The following ARHGAP30 variants were observed in gnomAD, a reference collection of about 807,000 sequenced individuals.
ARHGAP30 encodes rho GTPase-activating protein 30.
Under a neutral mutation model 72.0 loss-of-function variants are expected in ARHGAP30, and 23 were observed. The ratio of observed to expected loss-of-function variants is 0.32; its 90% CI spans 0.23 to 0.45. The LOEUF is 0.45. Ranked by LOEUF, ARHGAP30 falls within the 20% of genes least tolerant of loss-of-function variation. The pLI is 1.00. For missense variants in ARHGAP30, 1,319 were observed against 1,383.4 expected (o/e 0.95, Z 0.74); for synonymous variants, 576 against 528.2 (o/e 1.09, Z -1.24).
Position 161,069,476 on chromosome 1 carries a change from G to A in ARHGAP30, c.97+52C>T, listed in dbSNP as rs1653014034. 6.4e-7 allele frequency: 1 copy of A among 1,561,842 alleles called. No individual in the cohort carries two copies. On this transcript the variant is annotated intron_variant, in intron 1 of 11. Coordinates refer to ENST00000368013, the MANE Select transcript of ARHGAP30 (RefSeq NM_001025598.2). The surrounding 1 kb of genome is among the most constrained non-coding windows in gnomAD (Gnocchi z 4.9). ...GCCCTTCAGGCTGGATCGGGCTGCAGATGCCCAGTGCCTCCCCACCCACCC... is the reference window on the plus strand; with the variant it reads ...GCCCTTCAGGCTGGATCGGGCTGCAAATGCCCAGTGCCTCCCCACCCACCC...
Position 161,053,283 on chromosome 1 carries a change from C to G in ARHGAP30, c.639G>C (p.Gln213His), listed in dbSNP as rs118099463. Residue 213 changes from glutamine (Q) to histidine (H), a missense_variant, in exon 6 of 12, where the codon CAG becomes CAC. Coordinates refer to ENST00000368013, the MANE Select transcript of ARHGAP30 (RefSeq NM_001025598.2). ...CAGAGAGGGCAGCACCCCCAAAGAG[C>G]TGGTCCACGTGTGTGAGGATGAACT... ...VVEFILTHVD[Q>H]LFGGAALSGG... is the part of the protein sequence containing the mutation. The G allele has an allele frequency of 6.2e-7, 1 of 1,613,992 alleles. No homozygotes were observed. Among genetic ancestry groups the G allele is most frequent in the Non-Finnish European group, 8.5e-7 (1 of 1,180,014 alleles).
chr1:161,060,162 T>C (rs932350766), intron 1 of ARHGAP30: 1 of 431,480 alleles, frequency 2.3e-6, no homozygotes, highest in African/African-American at 2.1e-5. Flanking sequence ...ATGCCTGTAG[T>C]TTCAGCTACT....
intron 1 of ARHGAP30, among the ~76,000 whole-genome samples, chr1:161,064,143 T>C (rs995074450): frequency 6.6e-6 from 1 of 152,256 alleles, no homozygotes; most frequent in African/African-American, 2.4e-5. Context: ...AACTCTCTAA[T>C]AAAAACTTGC....
intron 1 of ARHGAP30, among the ~76,000 whole-genome samples, 183 bp from the exon 2 acceptor site, chr1:161,059,899 G>A (rs771607805): frequency 3.3e-5 from 5 of 152,182 alleles, no homozygotes; most frequent in Non-Finnish European, 7.3e-5. Flanking sequence ...CAGTATCTCT[G>A]CTTAGTGGGT....
chr1:161,051,286 T>G, intron 10 of ARHGAP30, 28 bp downstream of exon 10: 1 of 1,543,682 alleles, frequency 6.5e-7, no homozygotes, highest in Non-Finnish European at 8.7e-7. Context: ...TCCCCTTTCC[T>G]AGTCTTGGTC....
Position 161,048,819 on chromosome 1 carries a change from C to T in ARHGAP30, c.2202G>A (p.Val734=), listed in dbSNP as rs1302834476. The T allele has an allele frequency of 1.2e-6, 2 of 1,614,132 alleles. No individual in the cohort carries two copies. The highest frequency in any genetic ancestry group is 8.5e-7 in the Non-Finnish European group (1 of 1,180,040). The part of the protein sequence containing the change: ...KKADSMEAKG[V]EEPGGDEYTD... ...TATACTCATCTCCTCCTGGTTCCTC[C>T]ACACCTTTAGCCTCCATACTGTCAG... Residue 734 remains valine (V), a synonymous_variant, in exon 12 of 12, where the codon GTG becomes GTA. Coordinates refer to ENST00000368013, the MANE Select transcript of ARHGAP30 (RefSeq NM_001025598.2).
At chr1:161,058,199 C>T (rs957460653) in intron 2 of ARHGAP30, among the ~76,000 whole-genome samples, 1 of 151,850 alleles carries the variant, frequency 6.6e-6, no homozygotes, top group Non-Finnish European at 1.5e-5. Flanking sequence ...GTAATCCCAG[C>T]TACTCGGGAG....
rs1651088702 is a variant in ARHGAP30, at chr1:161,048,756, A to T, written c.2265T>A (p.Asp755Glu). ...CTACCTGGGCTTCCTCTCTTTGTTCATCCTCTTCTCTCTCAATTTCTTTTT... is the reference window on the plus strand; with the variant it reads ...CTACCTGGGCTTCCTCTCTTTGTTCTTCCTCTTCTCTCTCAATTTCTTTTT... ...EKEKEIEREE[D>E]EQREEAQVEA... is the part of the protein sequence containing the mutation. Residue 755 changes from aspartate to glutamate, a missense_variant, in exon 12 of 12, where the codon GAT (aspartate) becomes GAA (glutamate). This residue lies in a region of ARHGAP30 where 1,097 missense variants were observed against 1,045.2 expected (regional missense o/e 1.05). Coordinates refer to ENST00000368013, the MANE Select transcript of ARHGAP30 (RefSeq NM_001025598.2). 6.2e-7 allele frequency: 1 copy of T among 1,612,674 alleles called. No homozygotes were observed.
chr1:161,055,126 T>C (rs1318223897), intron 3 of ARHGAP30, among the ~76,000 whole-genome samples: 1 of 152,174 alleles, frequency 6.6e-6, no homozygotes, highest in East Asian at 1.9e-4. Context: ...GCTCTTATGC[T>C]CAATAAAGTG....
intron 1 of ARHGAP30, among the ~76,000 whole-genome samples, chr1:161,063,033 G>A (rs1459834581): frequency 2.0e-5 from 3 of 152,090 alleles, no homozygotes; most frequent in African/African-American, 4.8e-5. Context: ...AGGCTGTCTC[G>A]AACTCCCGAC....
rs1652697228 is a variant in ARHGAP30 at position 161,065,577 on chromosome 1, T to G, written c.97+3951A>C. On this transcript the variant is annotated intron_variant, in intron 1 of 11. Transcript: ENST00000368013. ...TTTTTTCTTTTTTCTTTTCTTTTTT[T>G]TTCTGAGACGGAGTTTCACTCTTGT... Among the ~76,000 whole-genome samples the G allele has an allele frequency of 1.3e-5, 2 of 152,050 alleles. 1 individual carries two copies. The highest frequency in any genetic ancestry group is 4.1e-4 in the South Asian group (2 of 4,836).
Position 161,048,950 on chromosome 1 carries a change from C to A in ARHGAP30, c.2071G>T (p.Asp691Tyr), listed in dbSNP as rs1284359486. 39 of 1,613,846 alleles carry A rather than the reference C, an allele frequency of 2.4e-5. No individual in the cohort carries two copies. Among genetic ancestry groups the A allele is most frequent in the Non-Finnish European group, 3.1e-5 (36 of 1,180,032 alleles). The change falls in exon 12 of 12, where the codon GAT becomes TAT. Residue 691 changes from aspartate to tyrosine, a missense_variant. Physicochemically the swap from Asp to Tyr is radical, Grantham distance 160. Coordinates refer to ENST00000368013, the MANE Select transcript of ARHGAP30 (RefSeq NM_001025598.2). Reference protein sequence around the residue: ...TKVEAGKASEDRGEAGGSQET... With the variant: ...TKVEAGKASEYRGEAGGSQET... ...TGGCTTCCCCCAGCCTCCCCTCTAT[C>A]CTCACTGGCCTTTCCAGCCTCCACC...
rs1651204666 is a variant in ARHGAP30, at chr1:161,049,699, G to A, written c.1421-10C>T. 2 of 1,610,990 alleles carry A rather than the reference G, an allele frequency of 1.2e-6. No individual in the cohort carries two copies. The highest frequency in any genetic ancestry group is 1.7e-6 in the Non-Finnish European group (2 of 1,178,334). ...GCTTCCAACTTTTCATCTGTTGGGG[G>A]AGAAGTAGTCCCAGGAATACAAAGG... is the stretch of plus-strand genomic sequence containing the variant. On this transcript the variant is annotated splice_polypyrimidine_tract_variant and intron_variant, in intron 10 of 11. Transcript: ENST00000368013.
rs1651349260 is a variant in ARHGAP30 at position 161,051,349 on chromosome 1, G to A, written c.1385C>T (p.Pro462Leu). The A allele has an allele frequency of 2.5e-6, 4 of 1,611,504 alleles. No individual in the cohort carries two copies. The highest frequency in any genetic ancestry group is 2.2e-5 in the South Asian group (2 of 90,740). ...AGGGCCAAGGCCAGGGCCAGGGCCA[G>A]GGCCAGAGGCAGGGCTTGGCCGGTG... ...LQHRPSPASG[P>L]GPGPGLGPGP... Residue 462 changes from proline (P) to leucine (L), a missense_variant, in exon 10 of 12, where the codon CCT (proline) becomes CTT (leucine). Pro to Leu is a moderately conservative substitution (Grantham distance 98). Around this residue, in one of 2 missense-constraint regions of ARHGAP30, gnomAD observed 1,097 missense variants for 1,045.2 expected, o/e 1.05. Transcript: ENST00000368013.
At position 161,069,649 on chromosome 1, in the gene ARHGAP30, C is replaced by T. The variant is rs183626324; in HGVS notation, c.-25G>A. ...TGGCCAGAGCCCCAGGGCACTGGCC[C>T]GGTCACCTCTATCCCCCAAGACCTG... On this transcript the variant is annotated 5_prime_UTR_variant, in exon 1 of 12. Coordinates refer to ENST00000368013, the MANE Select transcript of ARHGAP30 (RefSeq NM_001025598.2). The surrounding 1 kb of genome is among the most constrained non-coding windows in gnomAD (Gnocchi z 4.9). 1.6e-4 allele frequency: 250 copies of T among 1,601,986 alleles called. No individual in the cohort carries two copies. The African/African-American group carries it at 2.9e-3, about 18-fold the overall frequency.
rs1651060156 is a variant in ARHGAP30, at chr1:161,048,519, G to C, written c.2502C>G (p.Val834=). The change falls in exon 12 of 12, where the codon GTC becomes GTG. Residue 834 remains valine, a synonymous_variant. Coordinates refer to ENST00000368013, the MANE Select transcript of ARHGAP30 (RefSeq NM_001025598.2). ...CATCCCCACTCTCCCGTTCCTTGCT[G>C]ACCTCCCCTGCTCCTCCTTCAGTTG... ...EAATEGGAGE[V]SKERESGDGE... The C allele has an allele frequency of 6.2e-7, 1 of 1,613,924 alleles. No individual in the cohort carries two copies.
Position 161,049,540 on chromosome 1 carries a change from C to T in ARHGAP30, c.1570G>A (p.Val524Met), listed in dbSNP as rs769517403. Reference protein sequence around the residue: ...EDSSSSEPEWVGAEDGEVAQA... With the variant: ...EDSSSSEPEWMGAEDGEVAQA... ...GCCACCTCCCCATCCTCTGCCCCCA[C>T]CCACTCAGGTTCTGAGCTGCTTGAG... The change falls in exon 11 of 12, where the codon GTG (valine) becomes ATG (methionine). Residue 524 changes from valine (V) to methionine (M), a missense_variant. Coordinates refer to ENST00000368013, the MANE Select transcript of ARHGAP30 (RefSeq NM_001025598.2). 1.2e-6 allele frequency: 2 copies of T among 1,614,168 alleles called. No homozygotes were observed. Among genetic ancestry groups the T allele is most frequent in the Non-Finnish European group, 1.7e-6 (2 of 1,180,024 alleles).
rs1490998450 is a variant in ARHGAP30, at chr1:161,059,695, C to G, written c.119G>C (p.Cys40Ser). 1.2e-6 allele frequency: 2 copies of G among 1,613,400 alleles called. No individual in the cohort carries two copies. The highest frequency in any genetic ancestry group is 1.7e-5 in the Admixed American group (1 of 59,930). The change falls in exon 2 of 12, where the codon TGT becomes TCT. Residue 40 changes from cysteine to serine, a missense_variant. By Grantham distance (112) the Cys-to-Ser change is moderately radical (BLOSUM62 -1). Around this residue, in one of 2 missense-constraint regions of ARHGAP30, gnomAD observed 222 missense variants for 338.2 expected, o/e 0.66. Transcript: ENST00000368013. ...TCCATACTCCTCCACAAATTCTGCA[C>G]AGCTCTTTAGCACCTGGGGCACTGG... ...GQEVPQVLKS[C>S]AEFVEEYGVV...
chr1:161,066,172 A>G (rs1571127094), intron 1 of ARHGAP30, among the ~76,000 whole-genome samples: 1 of 150,768 alleles, frequency 6.6e-6, no homozygotes, highest in African/African-American at 2.4e-5. Flanking sequence ...GCCAACCAAA[A>G]TCTTTCAACT....
Sources: gnomAD v4.1 joint callset for allele counts (sites outside exome capture counted in the v4.1 genomes callset) on GRCh38, gnomAD v4.1.1 for gene constraint, gnomAD v4.1.1 regional missense constraint, Gnocchi (gnomAD v3.1) non-coding constraint, MANE v1.5 for transcripts, NCBI Gene and HGNC (gene_info 2026-07-23, HGNC 2026-07-21) for gene names.